The following ANK3 variants were observed in gnomAD, a reference collection of about 807,000 sequenced individuals.
ANK3 encodes ankyrin 3, also known as ankyrin-3.
Under a neutral mutation model 370.9 loss-of-function variants are expected in ANK3, and 57 were observed. The ratio of observed to expected loss-of-function variants is 0.15; its 90% CI spans 0.12 to 0.19. The LOEUF (loss-of-function observed/expected upper bound fraction) is 0.19, where lower values mean the gene tolerates loss of function less well. Ranked by LOEUF, ANK3 falls within the 10% of genes least tolerant of loss-of-function variation. ANK3 has a pLI of 1.00. For synonymous variants in ANK3, 1,929 were observed against 1,946.3 expected (o/e 0.99, Z 0.23); for missense variants, 4,439 against 5,302.1 (o/e 0.84, Z 5.06).
At chr10:60,468,819 A>G (rs2065070455) in intron 2 of ANK3, among the ~76,000 whole-genome samples, 1 of 151,636 alleles carries the variant, frequency 6.6e-6, no homozygotes, top group South Asian at 2.1e-4. Context: ...CACACCATGC[A>G]TTAATAAAAG....
At chr10:60,273,240 T>C (rs796709516) in intron 4 of ANK3, among the ~76,000 whole-genome samples, 3 of 152,348 alleles carry the variant, frequency 2.0e-5, no homozygotes, top group African/African-American at 7.2e-5. Context: ...CTTTCTACTT[T>C]CTTTTTGAGT....
intron 36 of ANK3, among the ~76,000 whole-genome samples, chr10:60,078,108 T>C (rs1481197027): frequency 1.3e-5 from 2 of 152,322 alleles, no homozygotes; most frequent in South Asian, 2.1e-4. Flanking sequence ...TGGTTCAGAA[T>C]AGTGAAACTC....
At chr10:60,280,021 A>G (rs1447841625) in intron 1 of ANK3, among the ~76,000 whole-genome samples, 1 of 152,170 alleles carries the variant, frequency 6.6e-6, no homozygotes, top group African/African-American at 2.4e-5. Context: ...TTTTATCCAT[A>G]TCTACCACAG....
intron 43 of ANK3, among the ~76,000 whole-genome samples, chr10:60,041,364 G>T (rs575905500): frequency 6.6e-6 from 1 of 152,278 alleles, no homozygotes; most frequent in South Asian, 2.1e-4. Context: ...TATTCTCAAG[G>T]AAACCTTCCC....
chr10:60,093,346 G>A (rs1218615235), intron 28 of ANK3, among the ~76,000 whole-genome samples: 2 of 152,094 alleles, frequency 1.3e-5, no homozygotes, highest in Non-Finnish European at 2.9e-5. Context: ...CTTCAAAATG[G>A]CTCAGGACTC....
At chr10:60,155,880 G>C (rs6479695) in intron 23 of ANK3, among the ~76,000 whole-genome samples, 90,594 of 152,054 alleles carry the variant, frequency 0.6, 27,116 homozygotes, top group Middle Eastern at 0.65. Flanking sequence ...GATTTGCCAG[G>C]GGCTCTCAGG....
chr10:60,717,748 C>T (rs1412797729), intron 1 of ANK3, among the ~76,000 whole-genome samples: 3 of 152,126 alleles, frequency 2.0e-5, no homozygotes, highest in Non-Finnish European at 4.4e-5. Context: ...CTCATGAAAA[C>T]TATTTGTAAT....
chr10:60,460,423 C>A (rs1301023818), intron 2 of ANK3, among the ~76,000 whole-genome samples: 1 of 152,116 alleles, frequency 6.6e-6, no homozygotes, highest in Non-Finnish European at 1.5e-5. Context: ...CAGAGTCAGC[C>A]AAACAGATAC....
upstream of ANK3, among the ~76,000 whole-genome samples, chr10:60,391,828 C>T (rs931787666): frequency 1.3e-5 from 2 of 152,144 alleles, no homozygotes; most frequent in Non-Finnish European, 2.9e-5. Flanking sequence ...TTTGCTTCCC[C>T]CAAATGTTCA....
At chr10:60,634,875 G>A (rs1472115524) in intron 1 of ANK3, among the ~76,000 whole-genome samples, 2 of 151,980 alleles carry the variant, frequency 1.3e-5, no homozygotes, top group Non-Finnish European at 2.9e-5. Context: ...CACTCCTGAA[G>A]TCAGCGAGAG....
rs1468396074 is a variant in ANK3 at position 60,583,505 on chromosome 10, T to G, written c.96+31681A>C. On this transcript the variant is annotated intron_variant, in intron 2 of 43. Coordinates refer to the ANK3 transcript ENST00000373827. The stretch of plus-strand genomic sequence containing the variant: ...TATTTCCATATAGCTTACAGAGAGG[T>G]TTTTTGTTTTTTGTTTTTTGTTTTT... Among the ~76,000 whole-genome samples the G allele has an allele frequency of 5.5e-5, 7 of 126,166 alleles. 1 individual carries two copies. The highest frequency in any genetic ancestry group is 2.7e-4 in the East Asian group (1 of 3,648). The allele number at this position is 126,166 out of a possible 152,430, so 82.8% of individuals were successfully genotyped here. A position where few individuals can be genotyped will look rare whatever the true frequency, so the allele number is the denominator to read the frequency against.
chr10:60,293,294 A>T (rs1164617310), intron 1 of ANK3, among the ~76,000 whole-genome samples: 1 of 152,122 alleles, frequency 6.6e-6, no homozygotes, highest in African/African-American at 2.4e-5. Context: ...TTACATACAT[A>T]CCCTCGGCTC....
Position 60,279,655 on chromosome 10 carries a change from A to G in ANK3, c.115-16T>C. On this transcript the variant is annotated splice_polypyrimidine_tract_variant and intron_variant, in intron 1 of 43. Coordinates refer to ENST00000280772, the MANE Select transcript of ANK3 (RefSeq NM_020987.5). ...TGGCATCAGACTAAAATAAAAAAGAAACACATTTTGATGAAAAATGAAGCT... is the reference window on the plus strand; with the variant it reads ...TGGCATCAGACTAAAATAAAAAAGAGACACATTTTGATGAAAAATGAAGCT... The G allele has an allele frequency of 6.3e-7, 1 of 1,597,162 alleles. No individual in the cohort carries two copies.
At position 60,172,291 on chromosome 10, in the gene ANK3, C is replaced by T; in HGVS notation, c.2478+17G>A. Reference sequence around the variant, plus strand: ...AGCTGGCTCCTAGGGTAACAAGGTTCTGCATTCCTTACTTACAGTTGTGGT... The same window carrying T: ...AGCTGGCTCCTAGGGTAACAAGGTTTTGCATTCCTTACTTACAGTTGTGGT... On this transcript the variant is annotated intron_variant, in intron 21 of 43. Coordinates refer to ENST00000280772, the MANE Select transcript of ANK3 (RefSeq NM_020987.5). 1 of 1,602,272 alleles carries T rather than the reference C, an allele frequency of 6.2e-7. No individual in the cohort carries two copies. Among genetic ancestry groups the T allele is most frequent in the South Asian group, 1.1e-5 (1 of 90,640 alleles).
intron 8 of ANK3, among the ~76,000 whole-genome samples, chr10:60,227,173 T>C (rs1437383611): frequency 6.6e-6 from 1 of 152,018 alleles, no homozygotes; most frequent in Non-Finnish European, 1.5e-5. Flanking sequence ...TTAGTAGATA[T>C]AAATACCTTT....
intron 23 of ANK3, among the ~76,000 whole-genome samples, chr10:60,157,176 T>C (rs2095357085): frequency 1.3e-5 from 2 of 151,394 alleles, no homozygotes; most frequent in African/African-American, 2.4e-5. Flanking sequence ...TAGCTGGGAT[T>C]ACAGGCACGT....
intron 2 of ANK3, among the ~76,000 whole-genome samples, chr10:60,395,568 C>CTTTTCTTTCTTTCTTTCT (rs1555367105): frequency 1.8e-4 from 21 of 116,692 alleles, no homozygotes; most frequent in African/African-American, 7.9e-4. Flanking sequence ...TTCTTTCTTT[C>CTTTTCTTTCTTTCTTTCT]TTTCTTTCTT....
chr10:60,434,310 A>G (rs192479620), intron 2 of ANK3, among the ~76,000 whole-genome samples: 1 of 152,224 alleles, frequency 6.6e-6, no homozygotes. Flanking sequence ...AGCATAGCCC[A>G]TGTTTTCAAT....
chr10:60,580,061 G>GA (rs1186391031), intron 2 of ANK3, among the ~76,000 whole-genome samples: 1 of 152,056 alleles, frequency 6.6e-6, no homozygotes, highest in Non-Finnish European at 1.5e-5. Context: ...AAATTGATAA[G>GA]AAAAAAATAT....
Sources: allele counts gnomAD v4.1 joint callset (sites outside exome capture counted in the v4.1 genomes callset), GRCh38; gene constraint gnomAD v4.1.1; transcripts MANE v1.5; gene names NCBI Gene and HGNC (gene_info 2026-07-23, HGNC 2026-07-21).